ZMYM2: variants seen among roughly 807,000 people sequenced by gnomAD.
ZMYM2 encodes the protein zinc finger MYM-type protein 2.
In ZMYM2, 56 loss-of-function variants were observed where a neutral mutation model predicts 162.8. That is an observed-to-expected ratio of 0.34 (90% CI 0.28 to 0.43). ZMYM2 has a LOEUF of 0.43. Among genes scored for constraint, ZMYM2 ranks in the 20% least tolerant of loss-of-function variants. The probability of loss-of-function intolerance (pLI) is 1.00; values close to 1 mark genes in which losing one functional copy is unlikely to be tolerated. For synonymous variants in ZMYM2, 510 were observed against 541.6 expected (o/e 0.94, Z 0.81); for missense variants, 1,275 against 1,621.8 (o/e 0.79, Z 3.67).
the ZMYM2 span, among the ~76,000 whole-genome samples, chr13:19,889,975 A>G: frequency 6.6e-6 from 1 of 151,742 alleles, no homozygotes; most frequent in Admixed American, 6.6e-5. Context: ...CAATCTTGGT[A>G]GGATTGTTTT....
the ZMYM2 span, among the ~76,000 whole-genome samples, chr13:19,911,526 T>C: frequency 3.0e-4 from 46 of 152,306 alleles, no homozygotes; most frequent in East Asian, 3.3e-3. Context: ...GGGGTGACTA[T>C]GTATTGGGGA....
Position 20,032,599 on chromosome 13 carries a change from C to CTTTTT in ZMYM2, c.1968+1187_1968+1191dup, listed in dbSNP as rs57294389. On this transcript the variant is annotated intron_variant, in intron 10 of 24. Transcript: ENST00000610343. ...CTGGATTACATGATTTTTTTTCTGT[C>CTTTTT]TTTTTTTTTTTTTTTTTTTTTTTTT... 3.5e-4 allele frequency among the ~76,000 whole-genome samples: 23 copies of CTTTTT among 66,032 alleles called. 1 individual carries two copies. The highest frequency in any genetic ancestry group is 1.4e-3 in the African/African-American group (20 of 14,754). The allele number at this position is 66,032 out of a possible 152,430, so 43.3% of individuals were successfully genotyped here.
At chr13:19,950,707 GTTAAA>G in the ZMYM2 span, among the ~76,000 whole-genome samples, 12 of 152,174 alleles carry the variant, frequency 7.9e-5, no homozygotes, top group Non-Finnish European at 1.6e-4. Context: ...CAATTAAACT[GTTAAA>G]TTTAATTTGT....
intron 3 of ZMYM2, among the ~76,000 whole-genome samples, chr13:20,002,326 A>G (rs1950457583): frequency 6.6e-6 from 1 of 152,188 alleles, no homozygotes; most frequent in Non-Finnish European, 1.5e-5. Context: ...AATACTTCCT[A>G]TATGCCAGTT....
At chr13:20,051,403 A>G (rs1955334948) in intron 12 of ZMYM2, 30 bp from the exon 13 acceptor site, 3 of 1,594,690 alleles carry the variant, frequency 1.9e-6, no homozygotes, top group Admixed American at 1.9e-5. Context: ...AATAATTTGC[A>G]ATATCTGAAA....
At chr13:20,057,822 T>C (rs1228132668) in intron 14 of ZMYM2, among the ~76,000 whole-genome samples, 1 of 152,232 alleles carries the variant, frequency 6.6e-6, no homozygotes, top group African/African-American at 2.4e-5. Flanking sequence ...CAGTAGTCAT[T>C]GTTTGGGGCA....
At chr13:19,962,496 G>GATATATATATATAT (rs199575840) in intron 2 of ZMYM2, among the ~76,000 whole-genome samples, 17 of 84,816 alleles carry the variant, frequency 2.0e-4, no homozygotes, top group African/African-American at 1.0e-3. Context: ...AATTGCATGG[G>GATATATATATATAT]ATATATATAT....
Position 20,064,604 on chromosome 13 carries a change from T to TAGGA in ZMYM2, c.3132+59_3132+60insAGGA, listed in dbSNP as rs2140852936. 8 of 1,347,038 alleles carry TAGGA rather than the reference T, an allele frequency of 5.9e-6. No individual in the cohort carries two copies. In the East Asian group the frequency reaches 2.2e-4, roughly 37 times the overall value. 83.4% of individuals were successfully genotyped at this position (1,347,038 alleles called of 1,614,324 possible). A position where few individuals can be genotyped will look rare whatever the true frequency, so the allele number is the denominator to read the frequency against. ...TCTCTATAGGCAAACAAGGATACAG[T>TAGGA]GTTCTTTTAGTGTGCCTGAGAATAT... On this transcript the variant is annotated intron_variant, in intron 19 of 24. Coordinates refer to ENST00000610343, the MANE Select transcript of ZMYM2 (RefSeq NM_197968.4).
intron 3 of ZMYM2, among the ~76,000 whole-genome samples, chr13:19,999,468 T>C (rs935214450): frequency 6.6e-6 from 1 of 152,146 alleles, no homozygotes; most frequent in African/African-American, 2.4e-5. Flanking sequence ...ACCATACCCA[T>C]ATGAGAGTGA....
intron 12 of ZMYM2, among the ~76,000 whole-genome samples, chr13:20,040,143 A>T (rs1268357233): frequency 6.6e-6 from 1 of 152,052 alleles, no homozygotes; most frequent in African/African-American, 2.4e-5. Context: ...AATTTTTTGG[A>T]ATAGTTTCAG....
the ZMYM2 span, among the ~76,000 whole-genome samples, chr13:19,878,872 T>C: frequency 4.6e-5 from 7 of 152,296 alleles, no homozygotes; most frequent in South Asian, 6.2e-4. Flanking sequence ...AGGAGTTATA[T>C]ATATAGACTG....
chr13:20,076,446 T>C (rs1957509831), intron 21 of ZMYM2, among the ~76,000 whole-genome samples: 1 of 150,626 alleles, frequency 6.6e-6, no homozygotes, highest in Non-Finnish European at 1.5e-5. Flanking sequence ...TTTAAAGATA[T>C]TAACAGATTT....
At chr13:20,013,344 T>A (rs1455456194) in intron 6 of ZMYM2, among the ~76,000 whole-genome samples, 1 of 152,216 alleles carries the variant, frequency 6.6e-6, no homozygotes, top group Non-Finnish European at 1.5e-5. Flanking sequence ...CTACTAGCTT[T>A]ATGAGTTTCT....
At chr13:19,951,933 C>A in the ZMYM2 span, among the ~76,000 whole-genome samples, 1 of 152,148 alleles carries the variant, frequency 6.6e-6, no homozygotes, top group Non-Finnish European at 1.5e-5. Flanking sequence ...GGTGCCTACA[C>A]TCTCATGTTC....
chr13:20,003,728 G>A (rs73428041), intron 4 of ZMYM2, among the ~76,000 whole-genome samples: 3,290 of 151,322 alleles, frequency 0.022, 113 homozygotes, highest in African/African-American at 0.076. Flanking sequence ...CACCTCCTGG[G>A]TCCTCCACCT....
At chr13:19,892,099 C>T in the ZMYM2 span, among the ~76,000 whole-genome samples, 2 of 151,628 alleles carry the variant, frequency 1.3e-5, no homozygotes, top group South Asian at 4.2e-4. Flanking sequence ...AGCTAGCACA[C>T]CCAGCTAATT....
At chr13:19,906,243 C>A in the ZMYM2 span, among the ~76,000 whole-genome samples, 15 of 136,782 alleles carry the variant, frequency 1.1e-4, no homozygotes, top group Admixed American at 7.1e-4. Context: ...CCATTGCACT[C>A]CAGTCTGGGC....
chr13:20,037,043 C>G (rs899607793), intron 12 of ZMYM2, 134 bp downstream of exon 12: 1 of 730,274 alleles, frequency 1.4e-6, no homozygotes, highest in South Asian at 4.5e-5. Context: ...TAATACTATT[C>G]ATTAAAATTG....
chr13:19,954,838 G>T (rs567822565), upstream of ZMYM2, among the ~76,000 whole-genome samples: 8 of 151,118 alleles, frequency 5.3e-5, no homozygotes, highest in African/African-American at 1.7e-4. Context: ...TTGAGACAGG[G>T]TCTCACTCTT....
Sources: allele counts gnomAD v4.1 joint callset (sites outside exome capture counted in the v4.1 genomes callset), GRCh38; gene constraint gnomAD v4.1.1; transcripts MANE v1.5; gene names NCBI Gene and HGNC (gene_info 2026-07-23, HGNC 2026-07-21).